The following RIC8A variants were observed in gnomAD, a reference collection of about 807,000 sequenced individuals.
RIC8A encodes chaperone Ric-8A.
In RIC8A, 37 loss-of-function variants were observed where a neutral mutation model predicts 48.4. The observed-to-expected ratio is 0.77, with a 90% CI of 0.59 to 1.01. The LOEUF (loss-of-function observed/expected upper bound fraction) is 1.01. RIC8A is among the 50% of genes least tolerant of loss of function. The pLI is 0.00. For missense variants in RIC8A, 681 were observed against 696.8 expected (o/e 0.98, Z 0.25); for synonymous variants, 288 against 283.4 (o/e 1.02, Z -0.16).
In RIC8A at chr11:211,339, G is replaced by A. The variant is rs1178941769; in HGVS notation, c.959G>A (p.Arg320His). The A allele has an allele frequency of 3.7e-6, 6 of 1,613,688 alleles. No individual in the cohort carries two copies. Among genetic ancestry groups the A allele is most frequent in the Admixed American group, 1.7e-5 (1 of 59,978 alleles). The change falls in exon 5 of 10, where the codon CGT becomes CAT. Residue 320 changes from arginine to histidine, a missense_variant. By Grantham distance (29) the Arg-to-His change is conservative. Transcript: ENST00000526104. This position sits in a 1 kb window ranked among gnomAD's most constrained non-coding sequence, Gnocchi z 4.0. The part of the protein sequence containing the change: ...IRALLIFLEK[R>H]LHKTHRLKES... ...GCCCTCCTCATCTTCCTAGAGAAGC[G>A]TTTGCACAAGGTAGGCTGGGGATGG...
At chr11:209,003 G>T in intron 1 of RIC8A, 65 bp downstream of exon 1, 1 of 1,375,510 alleles carries the variant, frequency 7.3e-7, no homozygotes. Context: ...TGCGCGGGTA[G>T]CAGGGAGGGC....
In RIC8A at chr11:214,217, C is replaced by CT; in HGVS notation, c.1476-10dup. 3 of 1,612,910 alleles carry CT rather than the reference C, an allele frequency of 1.9e-6. No homozygotes were observed. In the South Asian group the frequency reaches 3.3e-5, roughly 18 times the overall value. ...GGCCCCTTCCCCAGCCCCACTGCAC[C>CT]TTTCCCCAACAGGAACAGAGTCATC... On this transcript the variant is annotated splice_polypyrimidine_tract_variant and intron_variant, in intron 9 of 9. Transcript: ENST00000526104.
Position 214,444 on chromosome 11 carries a change from C to A in RIC8A, c.*94C>A. 2 of 1,432,232 alleles carry A rather than the reference C, an allele frequency of 1.4e-6. No individual in the cohort carries two copies. Among genetic ancestry groups the A allele is most frequent in the South Asian group, 1.2e-5 (1 of 81,790 alleles). The allele number at this position is 1,432,232 out of a possible 1,614,324, so 88.7% of individuals were successfully genotyped here. A position where few individuals can be genotyped will look rare whatever the true frequency, so the allele number is the denominator to read the frequency against. ...CTGGGGAAGCCACATCCCACTGGAT[C>A]CACACCCGCCCCCACTTCTCCATCT... On this transcript the variant is annotated 3_prime_UTR_variant, in exon 10 of 10. Coordinates refer to ENST00000526104, the MANE Select transcript of RIC8A (RefSeq NM_001286134.2).
Position 214,431 on chromosome 11 carries a change from C to T in RIC8A, c.*81C>T. Reference sequence around the variant, plus strand: ...TTGGGGTTGCAACCTGGGGAAGCCACATCCCACTGGATCCACACCCGCCCC... The same window carrying T: ...TTGGGGTTGCAACCTGGGGAAGCCATATCCCACTGGATCCACACCCGCCCC... On this transcript the variant is annotated 3_prime_UTR_variant, in exon 10 of 10. Coordinates refer to ENST00000526104, the MANE Select transcript of RIC8A (RefSeq NM_001286134.2). The T allele has an allele frequency of 6.6e-7, 1 of 1,517,836 alleles. No homozygotes were observed. The highest frequency in any genetic ancestry group is 8.9e-7 in the Non-Finnish European group (1 of 1,118,816). 94.0% of individuals were successfully genotyped at this position (1,517,836 alleles called of 1,614,324 possible).
At position 208,741 on chromosome 11, in the gene RIC8A, C is replaced by T. The variant is rs528409188; in HGVS notation, c.-114C>T. ...GTTAAAGCGCCACCAGACGCCGCGCCCCGTCCCGGCCTCCCCCGCGCGCTG... is the reference window on the plus strand; with the variant it reads ...GTTAAAGCGCCACCAGACGCCGCGCTCCGTCCCGGCCTCCCCCGCGCGCTG... On this transcript the variant is annotated 5_prime_UTR_variant, in exon 1 of 10. Transcript: ENST00000526104. The surrounding 1 kb of genome is among the most constrained non-coding windows in gnomAD (Gnocchi z 4.8). The T allele has an allele frequency of 2.0e-5, 14 of 709,168 alleles. No individual in the cohort carries two copies. In the South Asian group the frequency reaches 3.0e-4, roughly 15 times the overall value. The allele number at this position is 709,168 out of a possible 1,614,324, so 43.9% of individuals were successfully genotyped here.
chr11:214,161 CGGGTGAGTA>C, intron 9 of RIC8A, 60 bp from the exon 10 acceptor site: 3 of 1,546,886 alleles, frequency 1.9e-6, no homozygotes, highest in South Asian at 2.4e-5. Context: ...GTAGCAGCCA[CGGGTGAGTA>C]GGACCCCTGC....
chr11:213,515 C>T (rs1418037667), intron 9 of RIC8A, 97 bp downstream of exon 9: 2 of 1,493,050 alleles, frequency 1.3e-6, no homozygotes, highest in South Asian at 1.3e-5. Flanking sequence ...CAGAGGAGAG[C>T]TTAGGATCCT....
At chr11:212,156 C>T in intron 5 of RIC8A, 2 of 494,294 alleles carry the variant, frequency 4.0e-6, no homozygotes, top group Non-Finnish European at 7.4e-6. Flanking sequence ...AGACTTAAAG[C>T]AGTTATTTCT....
Position 214,320 on chromosome 11 carries a change from CTCCTCGGACCCT to C in RIC8A, c.1567_1578del (p.Ser523_Pro526del), listed in dbSNP as rs756530025. On this transcript the variant is annotated inframe_deletion, in exon 10 of 10. Transcript: ENST00000526104. ...TGTGCGAGACTATGGAGCAGCAGCT[CTCCTCGGACCCT>C]GACTCGGACCCTGACTGAGGATGGC... The C allele has an allele frequency of 6.2e-7, 1 of 1,610,684 alleles. No individual in the cohort carries two copies. Among genetic ancestry groups the C allele is most frequent in the Non-Finnish European group, 8.5e-7 (1 of 1,178,556 alleles).
chr11:210,740 G>A, intron 4 of RIC8A, 78 bp downstream of exon 4: 1 of 1,357,852 alleles, frequency 7.4e-7, no homozygotes, highest in Non-Finnish European at 1.1e-6. Flanking sequence ...CTCTGAACCA[G>A]AACCACCTGA....
rs1855471363 is a variant in RIC8A at position 214,318 on chromosome 11, C to T, written c.1564C>T (p.Leu522Phe). The change falls in exon 10 of 10, where the codon CTC becomes TTC. Residue 522 changes from leucine (L) to phenylalanine (F), a missense_variant. Coordinates refer to ENST00000526104, the MANE Select transcript of RIC8A (RefSeq NM_001286134.2). ...CATGTGCGAGACTATGGAGCAGCAG[C>T]TCTCCTCGGACCCTGACTCGGACCC... ...DAMCETMEQQ[L>F]SSDPDSDPD The T allele has an allele frequency of 6.2e-7, 1 of 1,611,134 alleles. No homozygotes were observed. The highest frequency in any genetic ancestry group is 8.5e-7 in the Non-Finnish European group (1 of 1,178,722).
At position 208,839 on chromosome 11, in the gene RIC8A, C is replaced by A; in HGVS notation, c.-16C>A. ...AACGGCTGAGGAAGGGCCCGTCCCGCCTTCCCCGGCGCGCCATGGAGCCCC... is the reference window on the plus strand; with the variant it reads ...AACGGCTGAGGAAGGGCCCGTCCCGACTTCCCCGGCGCGCCATGGAGCCCC... On this transcript the variant is annotated 5_prime_UTR_variant, in exon 1 of 10. Transcript: ENST00000526104. The surrounding 1 kb of genome is among the most constrained non-coding windows in gnomAD (Gnocchi z 4.8). The A allele has an allele frequency of 6.2e-7, 1 of 1,603,804 alleles. No individual in the cohort carries two copies. Among genetic ancestry groups the A allele is most frequent in the Non-Finnish European group, 8.5e-7 (1 of 1,175,776 alleles).
In RIC8A at chr11:211,350, G is replaced by A; in HGVS notation, c.969+1G>A. On this transcript the variant is annotated splice_donor_variant, in intron 5 of 9. Coordinates refer to ENST00000526104, the MANE Select transcript of RIC8A (RefSeq NM_001286134.2). LOFTEE classifies it high-confidence loss of function. The surrounding 1 kb of genome is among the most constrained non-coding windows in gnomAD (Gnocchi z 4.0). The stretch of plus-strand genomic sequence containing the variant: ...CTTCCTAGAGAAGCGTTTGCACAAG[G>A]TAGGCTGGGGATGGCTGTGCAGGCT... The A allele has an allele frequency of 6.2e-7, 1 of 1,612,878 alleles. No homozygotes were observed. The highest frequency in any genetic ancestry group is 8.5e-7 in the Non-Finnish European group (1 of 1,179,294).
chr11:210,118 C>G (rs1855314800), intron 3 of RIC8A, 118 bp downstream of exon 3: 4 of 902,226 alleles, frequency 4.4e-6, no homozygotes, highest in Non-Finnish European at 6.6e-6. Context: ...GACAGGACCT[C>G]CCAGCCTGTT....
Position 214,306 on chromosome 11 carries a change from A to G in RIC8A, c.1552A>G (p.Met518Val). 2 of 1,612,808 alleles carry G rather than the reference A, an allele frequency of 1.2e-6. No homozygotes were observed. Among genetic ancestry groups the G allele is most frequent in the Non-Finnish European group, 1.7e-6 (2 of 1,179,502 alleles). ...CCTGCAGGATGCCATGTGCGAGACTATGGAGCAGCAGCTCTCCTCGGACCC... is the reference window on the plus strand; with the variant it reads ...CCTGCAGGATGCCATGTGCGAGACTGTGGAGCAGCAGCTCTCCTCGGACCC... ...TSLQDAMCET[M>V]EQQLSSDPDS... The change falls in exon 10 of 10, where the codon ATG (methionine) becomes GTG (valine). Residue 518 changes from methionine (M) to valine (V), a missense_variant. Physicochemically the swap from Met to Val is conservative, Grantham distance 21. Transcript: ENST00000526104.
intron 1 of RIC8A, 118 bp from the exon 2 acceptor site, chr11:209,153 C>A: frequency 7.7e-7 from 1 of 1,291,076 alleles, no homozygotes; most frequent in Non-Finnish European, 1.1e-6. Flanking sequence ...CGAGTGCCGA[C>A]CCTGCCATCC....
At position 208,932 on chromosome 11, in the gene RIC8A, C is replaced by G; in HGVS notation, c.78C>G (p.Asn26Lys). 1 of 1,608,770 alleles carries G rather than the reference C, an allele frequency of 6.2e-7. No homozygotes were observed. Among genetic ancestry groups the G allele is most frequent in the Non-Finnish European group, 8.5e-7 (1 of 1,178,198 alleles). ...TTATGGAAGCTCTGCGGTCATACAA[C>G]CAGGAGGTAAGCGGCCGCCTGAGGC... ...DVIMEALRSY[N>K]QEHSQSFTFD... The change falls in exon 1 of 10, where the codon AAC (asparagine) becomes AAG (lysine). Residue 26 changes from asparagine (N) to lysine (K), a missense_variant. Transcript: ENST00000526104. This position sits in a 1 kb window ranked among gnomAD's most constrained non-coding sequence, Gnocchi z 4.8.
rs1855329812 is a variant in RIC8A, at chr11:210,551, A to G, written c.727-20A>G. On this transcript the variant is annotated intron_variant, in intron 3 of 9. Transcript: ENST00000526104. ...GGGATGAGTGGGGCTCCTCACAGGA[A>G]CCCTTCTTTCTTTGGTCAGGAAGAC... 1.9e-6 allele frequency: 3 copies of G among 1,606,284 alleles called. No homozygotes were observed. The highest frequency in any genetic ancestry group is 2.6e-6 in the Non-Finnish European group (3 of 1,172,972).
chr11:209,106 G>A (rs1855274220), intron 1 of RIC8A, 165 bp from the exon 2 acceptor site: 2 of 1,036,412 alleles, frequency 1.9e-6, no homozygotes, highest in East Asian at 2.4e-5. Flanking sequence ...GAGAGTGGGG[G>A]TGCACCCGTT....
Sources: allele counts gnomAD v4.1 joint callset, GRCh38; gene constraint gnomAD v4.1.1; non-coding constraint Gnocchi (gnomAD v3.1); transcripts MANE v1.5; gene names NCBI Gene and HGNC (gene_info 2026-07-23, HGNC 2026-07-21).